Variants in ERI3 observed in about 807,000 individuals in gnomAD.
ERI3 encodes ERI1 exoribonuclease family member 3, also known as ERI1 exoribonuclease 3.
Under a neutral mutation model 44.4 loss-of-function variants are expected in ERI3, and 18 were observed. The observed-to-expected ratio is 0.41, with a 90% confidence interval of 0.28 to 0.60. The LOEUF (loss-of-function observed/expected upper bound fraction) is 0.60. Among genes scored for constraint, ERI3 ranks in the 20% least tolerant of loss-of-function variants. ERI3 has a pLI of 0.36. For missense variants in ERI3, 294 were observed against 435.5 expected (o/e 0.68, Z 2.89); for synonymous variants, 183 against 164.8 (o/e 1.11, Z -0.84).
intron 5 of ERI3, among the ~76,000 whole-genome samples, chr1:44,308,735 A>G (rs745463339): frequency 1.3e-5 from 2 of 152,230 alleles, no homozygotes; most frequent in Non-Finnish European, 2.9e-5. Context: ...CCCCTGGCCC[A>G]GCAGACAGGC....
chr1:44,353,077 C>CAA, intron 1 of ERI3, 152 bp from the exon 2 acceptor site: 1 of 1,453,100 alleles, frequency 6.9e-7, no homozygotes. Context: ...CTTTCAGAAA[C>CAA]TATTAGTACT....
At chr1:44,223,280 GTCTC>G (rs1182797796) in intron 8 of ERI3, among the ~76,000 whole-genome samples, 1 of 152,104 alleles carries the variant, frequency 6.6e-6, no homozygotes. Context: ...CCCATCATTT[GTCTC>G]TCTTAGTGTG....
At chr1:44,283,996 G>A (rs1332746009) in intron 7 of ERI3, 12 of 470,288 alleles carry the variant, frequency 2.6e-5, no homozygotes, top group African/African-American at 1.4e-4. Context: ...CTTGACCCCC[G>A]GTGTGTTCTC....
chr1:44,325,803 C>T (rs1646301381), intron 3 of ERI3, among the ~76,000 whole-genome samples: 1 of 152,042 alleles, frequency 6.6e-6, no homozygotes, highest in Admixed American at 6.5e-5. Context: ...CTGGGATTAC[C>T]ATGCCCAGCT....
chr1:44,221,711 G>A lies in ERI3; in HGVS notation c.932-71C>T, dbSNP rs1342762561. On this transcript the variant is annotated intron_variant, in intron 8 of 8. Coordinates refer to ENST00000372257, the MANE Select transcript of ERI3 (RefSeq NM_024066.3). The surrounding 1 kb of genome is among the most constrained non-coding windows in gnomAD (Gnocchi z 5.9). ...TCCATGCCCACAGGTGCTCTTACAA[G>A]GGTGGGGGTGGGAAGCAGGGTCAGA... is the stretch of plus-strand genomic sequence containing the variant. 2.4e-6 allele frequency: 3 copies of A among 1,255,436 alleles called. No individual in the cohort carries two copies. The highest frequency in any genetic ancestry group is 2.3e-5 in the East Asian group (1 of 42,882). 77.8% of individuals were successfully genotyped at this position (1,255,436 alleles called of 1,614,324 possible).
intron 8 of ERI3, among the ~76,000 whole-genome samples, chr1:44,238,100 C>T (rs1644347069): frequency 6.6e-6 from 1 of 152,172 alleles, no homozygotes; most frequent in Non-Finnish European, 1.5e-5. Context: ...CGATAACTCG[C>T]TAACGTGCTG....
intron 7 of ERI3, among the ~76,000 whole-genome samples, chr1:44,254,293 C>T (rs1644740374): frequency 6.6e-6 from 1 of 152,162 alleles, no homozygotes; most frequent in East Asian, 1.9e-4. Flanking sequence ...CCAGAACTGC[C>T]CTCTCTCTGA....
chr1:44,282,065 G>T (rs1251176667), intron 7 of ERI3, among the ~76,000 whole-genome samples: 1 of 152,030 alleles, frequency 6.6e-6, no homozygotes, highest in African/African-American at 2.4e-5. Flanking sequence ...AGCAAACACG[G>T]GCCTGCTCCA....
At chr1:44,322,977 C>G in intron 3 of ERI3, 2 of 1,361,722 alleles carry the variant, frequency 1.5e-6, no homozygotes, top group Non-Finnish European at 1.9e-6. Context: ...GTGCCAGCCT[C>G]TATGTCCAGT....
intron 1 of ERI3, chr1:44,353,477 A>C (rs749614955): frequency 4.1e-6 from 4 of 985,444 alleles, no homozygotes; most frequent in Non-Finnish European, 4.8e-6. Context: ...CCTCCAAAGG[A>C]CCAGAAGTTG....
intron 2 of ERI3, 47 bp from the exon 3 acceptor site, chr1:44,339,369 A>G (rs764904897): frequency 1.0e-5 from 6 of 591,744 alleles, no homozygotes; most frequent in Middle Eastern, 7.4e-4. Flanking sequence ...GAAAAGAAAG[A>G]AAAAAAAAAA....
intron 8 of ERI3, among the ~76,000 whole-genome samples, chr1:44,237,345 T>A (rs1373447990): frequency 6.6e-6 from 1 of 152,128 alleles, no homozygotes; most frequent in Non-Finnish European, 1.5e-5. Flanking sequence ...GAAGGCTCCA[T>A]CATCTCCCAC....
In ERI3 at chr1:44,355,248, A is replaced by C; in HGVS notation, c.-222T>G. 1 of 1,165,766 alleles carries C rather than the reference A, an allele frequency of 8.6e-7. No homozygotes were observed. Among genetic ancestry groups the C allele is most frequent in the Non-Finnish European group, 1.1e-6 (1 of 945,716 alleles). The allele number at this position is 1,165,766 out of a possible 1,614,324, so 72.2% of individuals were successfully genotyped here. On this transcript the variant is annotated 5_prime_UTR_variant, in exon 1 of 9. Coordinates refer to ENST00000372257, the MANE Select transcript of ERI3 (RefSeq NM_024066.3). Reference sequence around the variant, plus strand: ...GCAGCCAGCACCACGAGTCCACAACACACCGACTCACCTCCGCGCACTCTG... The same window carrying C: ...GCAGCCAGCACCACGAGTCCACAACCCACCGACTCACCTCCGCGCACTCTG...
intron 3 of ERI3, among the ~76,000 whole-genome samples, chr1:44,328,486 C>T (rs1229411952): frequency 1.3e-5 from 2 of 152,104 alleles, no homozygotes; most frequent in African/African-American, 2.4e-5. Flanking sequence ...CTCTGACGCT[C>T]GCTGAAGTCT....
intron 7 of ERI3, among the ~76,000 whole-genome samples, chr1:44,260,529 A>G (rs1644872694): frequency 6.6e-6 from 1 of 152,188 alleles, no homozygotes; most frequent in Non-Finnish European, 1.5e-5. Flanking sequence ...GCCACAGAGG[A>G]GAGGAGAGAG....
chr1:44,255,616 A>G (rs1644765086), intron 7 of ERI3, among the ~76,000 whole-genome samples: 1 of 151,936 alleles, frequency 6.6e-6, no homozygotes, highest in African/African-American at 2.4e-5. Context: ...TATATATTCT[A>G]TTGCCTACCT....
intron 3 of ERI3, among the ~76,000 whole-genome samples, chr1:44,326,922 A>G (rs1646328274): frequency 6.6e-6 from 1 of 152,276 alleles, no homozygotes; most frequent in South Asian, 2.1e-4. Flanking sequence ...TTTCAAAAAC[A>G]TAATACCAAT....
rs867278518 is a variant in ERI3 at position 44,320,079 on chromosome 1, C to T, written c.490-335G>A. Among the ~76,000 whole-genome samples, 5 of 152,278 alleles carry T rather than the reference C, an allele frequency of 3.3e-5. No individual in the cohort carries two copies. The East Asian group carries it at 7.7e-4, about 24-fold the overall frequency. ...TTGCTAACTTGAGCCCCTAAGAATA[C>T]GCCCTTCTTTCTCTTGCCCAGGTCC... On this transcript the variant is annotated intron_variant, in intron 3 of 8. Transcript: ENST00000372257.
chr1:44,272,765 G>C (rs1024931256), intron 7 of ERI3, among the ~76,000 whole-genome samples: 1 of 151,888 alleles, frequency 6.6e-6, no homozygotes, highest in African/African-American at 2.4e-5. Flanking sequence ...ACTTGAACCT[G>C]GGAGGCAGAG....
Sources: allele counts gnomAD v4.1 joint callset (sites outside exome capture counted in the v4.1 genomes callset), GRCh38; gene constraint gnomAD v4.1.1; non-coding constraint Gnocchi (gnomAD v3.1); transcripts MANE v1.5; gene names NCBI Gene and HGNC (gene_info 2026-07-23, HGNC 2026-07-21).